Variants in PCDH15 observed in about 807,000 individuals in gnomAD.
PCDH15 encodes the protein protocadherin related 15.
A neutral mutation model predicts 178.5 loss-of-function variants in PCDH15; 129 were observed. The ratio of observed to expected loss-of-function variants is 0.72; its 90% CI spans 0.63 to 0.84. The LOEUF (loss-of-function observed/expected upper bound fraction) is 0.84, where lower values mean the gene tolerates loss of function less well. PCDH15 is among the 40% of genes least tolerant of loss of function. The pLI is 0.00. For missense variants in PCDH15, 2,230 were observed against 2,099.9 expected, an observed-to-expected ratio of 1.06 and a Z score of -1.21; for synonymous variants, 800 against 732.0, an observed-to-expected ratio of 1.09 and a Z score of -1.50.
chr10:54,976,977 A>G (rs1444314600), intron 2 of PCDH15, among the ~76,000 whole-genome samples: 2 of 152,098 alleles, frequency 1.3e-5, no homozygotes, highest in Non-Finnish European at 2.9e-5. Flanking sequence ...AGAATATTAG[A>G]TTTTCTCACA....
chr10:54,375,573 A>G lies in PCDH15; in HGVS notation c.318+3209T>C, dbSNP rs186353244. ...TATAAGCCAAATAACTTTGATTAAA[A>G]TCAGAATATTCTTAGAAAAGCATAA... On this transcript the variant is annotated intron_variant, in intron 4 of 37. Transcript: ENST00000644397. Among the ~76,000 whole-genome samples the G allele has an allele frequency of 1.3e-3, 199 of 152,042 alleles. 1 individual carries two copies. Among genetic ancestry groups the G allele is most frequent in the African/African-American group, 2.6e-3 (106 of 41,526 alleles).
At chr10:54,493,787 G>A (rs533504356) in intron 3 of PCDH15, among the ~76,000 whole-genome samples, 6 of 152,132 alleles carry the variant, frequency 3.9e-5, no homozygotes, top group East Asian at 1.9e-4. Flanking sequence ...ACATGCACAC[G>A]TATTTTTATT....
At chr10:55,439,163 A>C (rs1839119491) in intron 2 of PCDH15, among the ~76,000 whole-genome samples, 1 of 152,118 alleles carries the variant, frequency 6.6e-6, no homozygotes, top group Non-Finnish European at 1.5e-5. Context: ...TCAGCCTCTC[A>C]AATTATTTTT....
At chr10:54,783,056 G>A (rs1203068424) in intron 1 of PCDH15, among the ~76,000 whole-genome samples, 1 of 152,016 alleles carries the variant, frequency 6.6e-6, no homozygotes, top group African/African-American at 2.4e-5. Flanking sequence ...TATCAATGGA[G>A]GGATACAAAA....
At chr10:54,139,158 A>T (rs1325635191) in intron 14 of PCDH15, among the ~76,000 whole-genome samples, 1 of 152,146 alleles carries the variant, frequency 6.6e-6, no homozygotes, top group Non-Finnish European at 1.5e-5. Context: ...AACCCAGCTA[A>T]CATAAAATGA....
intron 25 of PCDH15, among the ~76,000 whole-genome samples, chr10:53,912,555 G>A (rs577323759): frequency 9.5e-4 from 145 of 152,096 alleles, no homozygotes; most frequent in African/African-American, 3.0e-3. Context: ...CCATTGTCTC[G>A]GCCCAAAATC....
At chr10:54,574,768 A>C (rs1160188991) in intron 2 of PCDH15, among the ~76,000 whole-genome samples, 2 of 149,720 alleles carry the variant, frequency 1.3e-5, no homozygotes, top group African/African-American at 4.9e-5. Flanking sequence ...TAGAACTAGA[A>C]ATACCATTTG....
At chr10:54,753,013 G>C (rs988340827) in intron 1 of PCDH15, among the ~76,000 whole-genome samples, 3 of 152,020 alleles carry the variant, frequency 2.0e-5, no homozygotes, top group African/African-American at 7.2e-5. Context: ...GAGTAGTTTT[G>C]AATTCAGCAC....
intron 2 of PCDH15, among the ~76,000 whole-genome samples, chr10:55,002,095 G>C (rs1839807522): frequency 6.6e-6 from 1 of 152,134 alleles, no homozygotes; most frequent in African/African-American, 2.4e-5. Flanking sequence ...TGTTAGTACT[G>C]TACCTAGAAA....
chr10:55,513,612 C>G (rs1037386119), intron 2 of PCDH15, among the ~76,000 whole-genome samples: 1 of 151,952 alleles, frequency 6.6e-6, no homozygotes, highest in South Asian at 2.1e-4. Context: ...AATTTAATCA[C>G]AAATAAGCAT....
chr10:54,259,654 G>A (rs1158510433), intron 8 of PCDH15, among the ~76,000 whole-genome samples: 1 of 152,114 alleles, frequency 6.6e-6, no homozygotes, highest in African/African-American at 2.4e-5. Flanking sequence ...ATAAGCCAAA[G>A]CAGCAAAAAC....
chr10:54,877,938 C>CTTTTTTTTTTTTTTTTTTTTTTTTTTT (rs1203452904), intron 3 of PCDH15, among the ~76,000 whole-genome samples: 1 of 8,086 alleles, frequency 1.2e-4, no homozygotes, highest in African/African-American at 5.0e-4. Context: ...CTCTCTCTCT[C>CTTTTTTTTTTTTTTTTTTTTTTTTTTT]TTTTTTTTTT....
At chr10:54,547,904 T>C (rs1347325462) in intron 2 of PCDH15, among the ~76,000 whole-genome samples, 2 of 151,928 alleles carry the variant, frequency 1.3e-5, no homozygotes, top group Non-Finnish European at 2.9e-5. Context: ...TTACCAGCAA[T>C]TTCAGAATTC....
chr10:55,601,746 G>A (rs140647916), intron 2 of PCDH15, among the ~76,000 whole-genome samples: 5 of 152,146 alleles, frequency 3.3e-5, no homozygotes, highest in Non-Finnish European at 7.4e-5. Context: ...AAAATCTTCA[G>A]ATAGTATTGA....
chr10:53,918,611 A>G (rs146677039), intron 25 of PCDH15, among the ~76,000 whole-genome samples: 4 of 152,290 alleles, frequency 2.6e-5, no homozygotes, highest in Admixed American at 2.6e-4. Context: ...ATAAATGTCT[A>G]TGGTATTGTT....
At chr10:54,794,434 A>T (rs992155256) in intron 1 of PCDH15, among the ~76,000 whole-genome samples, 7 of 151,830 alleles carry the variant, frequency 4.6e-5, no homozygotes, top group African/African-American at 1.7e-4. Context: ...GTATATCCTG[A>T]GTGGAAATTT....
At chr10:55,529,593 T>A (rs1841396273) in intron 2 of PCDH15, among the ~76,000 whole-genome samples, 1 of 151,334 alleles carries the variant, frequency 6.6e-6, no homozygotes, top group Admixed American at 6.6e-5. Context: ...TGCTTTTTTA[T>A]CACTTTACTT....
intron 2 of PCDH15, among the ~76,000 whole-genome samples, chr10:55,598,802 C>T (rs1842997892): frequency 6.6e-6 from 1 of 151,852 alleles, no homozygotes; most frequent in African/African-American, 2.4e-5. Flanking sequence ...TTAATAATTG[C>T]TTACACACAT....
At chr10:55,323,055 A>C (rs1385785183), upstream of PCDH15, among the ~76,000 whole-genome samples, 2 of 152,184 alleles carry the variant, frequency 1.3e-5, no homozygotes, top group African/African-American at 4.8e-5. Flanking sequence ...AAAGGGGCCA[A>C]CTTGAAGCTC....
Sources: allele counts gnomAD v4.1 joint callset (sites outside exome capture counted in the v4.1 genomes callset), GRCh38; gene constraint gnomAD v4.1.1; transcripts MANE v1.5; gene names NCBI Gene and HGNC (gene_info 2026-07-23, HGNC 2026-07-21).